Variants in INKA2 observed in about 807,000 individuals in gnomAD.
INKA2 encodes the protein PAK4-inhibitor INKA2.
In INKA2, 3 loss-of-function variants were observed where a neutral mutation model predicts 9.8. The observed-to-expected ratio is 0.31, with a 90% CI of 0.14 to 0.79. The LOEUF (loss-of-function observed/expected upper bound fraction) is 0.79, where lower values mean the gene tolerates loss of function less well. Among genes scored for constraint, INKA2 ranks in the 30% least tolerant of loss-of-function variants. The pLI, the probability that INKA2 is intolerant of heterozygous loss-of-function variation, is 0.62. For synonymous variants in INKA2, 147 were observed against 143.3 expected, an observed-to-expected ratio of 1.03 and a Z score of -0.18; for missense variants, 392 against 384.4, an observed-to-expected ratio of 1.02 and a Z score of -0.17.
chr1:111,727,815 G>A lies in INKA2; in HGVS notation c.58-11C>T. The A allele has an allele frequency of 2.5e-6, 4 of 1,601,240 alleles. No individual in the cohort carries two copies. Among genetic ancestry groups the A allele is most frequent in the Non-Finnish European group, 3.4e-6 (4 of 1,179,494 alleles). On this transcript the variant is annotated splice_polypyrimidine_tract_variant and intron_variant, in intron 1 of 1. Transcript: ENST00000357260. ...CTCCTTCATGGACATCTGCAGGGGA[G>A]AGAGAAAGCATGGGGCCTATGAGCC...
At chr1:111,736,460 G>A in intron 1 of INKA2, among the ~76,000 whole-genome samples, 1 of 152,236 alleles carries the variant, frequency 6.6e-6, no homozygotes. Context: ...TAGGATGCAG[G>A]AGGGGAGCAC....
intron 1 of INKA2, among the ~76,000 whole-genome samples, chr1:111,731,333 TTC>T (rs367784947): frequency 1.1e-3 from 162 of 152,300 alleles, no homozygotes; most frequent in Admixed American, 4.3e-3. Context: ...GTTATTTACA[TTC>T]TGTTTTTCAA....
In INKA2 at chr1:111,727,165, C is replaced by T. The variant is rs199713597; in HGVS notation, c.697G>A (p.Val233Met). The change falls in exon 2 of 2, where the codon GTG becomes ATG. Residue 233 changes from valine to methionine, a missense_variant. Val to Met is a conservative substitution (Grantham distance 21). Coordinates refer to ENST00000357260, the MANE Select transcript of INKA2 (RefSeq NM_019099.5). ...DRLLKEKPGW[V>M]TPMVPESRTG... ...CGGGACTCAGGGACCATGGGTGTCACCCAGCCTGGCTTCTCCTTCAGCAGC... is the reference window on the plus strand; with the variant it reads ...CGGGACTCAGGGACCATGGGTGTCATCCAGCCTGGCTTCTCCTTCAGCAGC... 6.2e-7 allele frequency: 1 copy of T among 1,614,204 alleles called. No individual in the cohort carries two copies. The highest frequency in any genetic ancestry group is 2.2e-5 in the East Asian group (1 of 44,878).
intron 1 of INKA2, among the ~76,000 whole-genome samples, chr1:111,734,319 C>T (rs1299479591): frequency 6.6e-6 from 1 of 152,222 alleles, no homozygotes; most frequent in African/African-American, 2.4e-5. Context: ...GCCCTCTTCC[C>T]TCTGACCACC....
chr1:111,750,503 A>C (rs900859605), intron 1 of INKA2, among the ~76,000 whole-genome samples: 1 of 152,236 alleles, frequency 6.6e-6, no homozygotes, highest in Non-Finnish European at 1.5e-5. Flanking sequence ...GAATATAACA[A>C]TGAAAGTACC....
At chr1:111,737,266 C>T (rs767935234) in intron 1 of INKA2, among the ~76,000 whole-genome samples, 22 of 152,334 alleles carry the variant, frequency 1.4e-4, no homozygotes, top group Non-Finnish European at 2.1e-4. Context: ...GGGTGCAAAT[C>T]AAGATGTGAA....
upstream of INKA2, among the ~76,000 whole-genome samples, chr1:111,742,186 G>A (rs577658392): frequency 4.6e-5 from 7 of 152,346 alleles, no homozygotes; most frequent in African/African-American, 1.7e-4. Flanking sequence ...CTGTGCTGCT[G>A]ACAACAGAGT....
rs1663086798 is a variant in INKA2 at position 111,739,318 on chromosome 1, G to T, written c.-76C>A. The T allele has an allele frequency of 1.4e-5, 22 of 1,593,324 alleles. No homozygotes were observed. Among genetic ancestry groups the T allele is most frequent in the Non-Finnish European group, 1.9e-5 (22 of 1,170,084 alleles). The stretch of plus-strand genomic sequence containing the variant: ...CGGCCCCACTGGAAACTGCGCTCCG[G>T]GCCGGCTCCCCGCCCCTGCGCCCGT... On this transcript the variant is annotated 5_prime_UTR_variant, in exon 1 of 2. Coordinates refer to ENST00000357260, the MANE Select transcript of INKA2 (RefSeq NM_019099.5).
chr1:111,735,608 T>C (rs1275778038), intron 1 of INKA2, among the ~76,000 whole-genome samples: 1 of 152,220 alleles, frequency 6.6e-6, no homozygotes, highest in African/African-American at 2.4e-5. Flanking sequence ...CACATAGTCA[T>C]CTTTCCCCAG....
chr1:111,743,134 C>T (rs532977607), upstream of INKA2, among the ~76,000 whole-genome samples: 1 of 152,210 alleles, frequency 6.6e-6, no homozygotes, highest in South Asian at 2.1e-4. Flanking sequence ...GGCTGGGGGA[C>T]GTGATTCATT....
Position 111,727,811 on chromosome 1 carries a change from G to T in INKA2, c.58-7C>A. 6.2e-7 allele frequency: 1 copy of T among 1,602,114 alleles called. No homozygotes were observed. Among genetic ancestry groups the T allele is most frequent in the South Asian group, 1.1e-5 (1 of 91,058 alleles). On this transcript the variant is annotated splice_region_variant and splice_polypyrimidine_tract_variant and intron_variant, in intron 1 of 1. Coordinates refer to ENST00000357260, the MANE Select transcript of INKA2 (RefSeq NM_019099.5). ...CCACCTCCTTCATGGACATCTGCAG[G>T]GGAGAGAGAAAGCATGGGGCCTATG...
At chr1:111,753,570 C>T (rs1571605727) in intron 1 of INKA2, among the ~76,000 whole-genome samples, 1 of 152,298 alleles carries the variant, frequency 6.6e-6, no homozygotes, top group South Asian at 2.1e-4. Flanking sequence ...TAAATGTTTT[C>T]TGGAAATGTA....
At chr1:111,745,265 T>TTTTATA (rs1553232613) in intron 1 of INKA2, 13 of 45,102 alleles carry the variant, frequency 2.9e-4, no homozygotes, top group African/African-American at 9.4e-4. Context: ...CACAGAGATA[T>TTTTATA]TATATATATA....
At position 111,726,210 on chromosome 1, in the gene INKA2, C is replaced by G. The variant is rs191500934; in HGVS notation, c.*758G>C. 2.5e-6 allele frequency: 1 copy of G among 395,742 alleles called. No homozygotes were observed. Among genetic ancestry groups the G allele is most frequent in the Non-Finnish European group, 4.5e-6 (1 of 224,338 alleles). 24.5% of individuals were successfully genotyped at this position (395,742 alleles called of 1,614,324 possible). On this transcript the variant is annotated 3_prime_UTR_variant, in exon 2 of 2. Coordinates refer to ENST00000357260, the MANE Select transcript of INKA2 (RefSeq NM_019099.5). ...TGGGATCATGCCTGCCTGCCTCGCT[C>G]ACTTTCAAATGAGACCATGGAGATG...
chr1:111,731,559 C>T (rs1961755), intron 1 of INKA2, among the ~76,000 whole-genome samples: 22 of 152,226 alleles, frequency 1.4e-4, no homozygotes, highest in African/African-American at 5.3e-4. Flanking sequence ...ACCATGTTGC[C>T]TAGGCTGGTC....
At position 111,726,900 on chromosome 1, in the gene INKA2, C is replaced by G; in HGVS notation, c.*68G>C. The G allele has an allele frequency of 6.7e-7, 1 of 1,483,942 alleles. No homozygotes were observed. The highest frequency in any genetic ancestry group is 1.3e-5 in the South Asian group (1 of 78,242). The allele number at this position is 1,483,942 out of a possible 1,614,324, so 91.9% of individuals were successfully genotyped here. On this transcript the variant is annotated 3_prime_UTR_variant, in exon 2 of 2. Transcript: ENST00000357260. Reference sequence around the variant, plus strand: ...TCGAGAGCCATACCGCCCACCCTCCCTCCTCCCCAGGGGCCCAGCACTGGG... The same window carrying G: ...TCGAGAGCCATACCGCCCACCCTCCGTCCTCCCCAGGGGCCCAGCACTGGG...
chr1:111,734,648 T>A (rs539374531), intron 1 of INKA2, among the ~76,000 whole-genome samples: 1 of 152,356 alleles, frequency 6.6e-6, no homozygotes, highest in African/African-American at 2.4e-5. Flanking sequence ...TTTTACCCTA[T>A]GCTCTAGGCA....
intron 1 of INKA2, 132 bp from the exon 2 acceptor site, chr1:111,727,936 T>C (rs1662823788): frequency 2.4e-6 from 2 of 824,626 alleles, no homozygotes; most frequent in African/African-American, 3.3e-5. Context: ...GCCCCATCTC[T>C]CTATAGCCTA....
In INKA2 at chr1:111,739,382, C is replaced by G. The variant is rs1663089688; in HGVS notation, c.-140G>C. On this transcript the variant is annotated 5_prime_UTR_variant, in exon 1 of 2. Transcript: ENST00000357260. ...CGGAGCTGAGCCTGCGCTCCGAGCC[C>G]GGGACTCAGAGTCGCTTCCCCAGCG... 3 of 1,504,420 alleles carry G rather than the reference C, an allele frequency of 2.0e-6. No individual in the cohort carries two copies. Among genetic ancestry groups the G allele is most frequent in the South Asian group, 1.3e-5 (1 of 78,334 alleles). 93.2% of individuals were successfully genotyped at this position (1,504,420 alleles called of 1,614,324 possible).
Sources: allele counts gnomAD v4.1 joint callset (sites outside exome capture counted in the v4.1 genomes callset), GRCh38; gene constraint gnomAD v4.1.1; transcripts MANE v1.5; gene names NCBI Gene and HGNC (gene_info 2026-07-23, HGNC 2026-07-21).